The following PHF24 variants were observed in gnomAD, a reference collection of about 807,000 sequenced individuals.
PHF24 encodes the protein PHD finger protein 24.
PHF24 carries 25 observed loss-of-function variants against 42.6 expected under a neutral mutation model. The observed-to-expected ratio is 0.59, with a 90% CI of 0.43 to 0.82. The LOEUF (loss-of-function observed/expected upper bound fraction) is 0.82. Among genes scored for constraint, PHF24 ranks in the 40% least tolerant of loss-of-function variants. The pLI is 0.00. For missense variants in PHF24, 470 were observed against 538.1 expected, an observed-to-expected ratio of 0.87 and a Z score of 1.25; for synonymous variants, 185 against 204.8, an observed-to-expected ratio of 0.90 and a Z score of 0.83.
At chr9:34,705,593 T>C in the PHF24 span, among the ~76,000 whole-genome samples, 1 of 152,264 alleles carries the variant, frequency 6.6e-6, no homozygotes, top group Non-Finnish European at 1.5e-5. Context: ...GCTTTATGCC[T>C]TTACACGCAT....
the PHF24 span, among the ~76,000 whole-genome samples, chr9:34,883,564 A>G: frequency 1.3e-5 from 2 of 152,278 alleles, no homozygotes; most frequent in African/African-American, 4.8e-5. Flanking sequence ...GGATATGAAC[A>G]GACACTTCTC....
chr9:34,699,840 G>A, the PHF24 span, among the ~76,000 whole-genome samples: 1 of 152,220 alleles, frequency 6.6e-6, no homozygotes, highest in Non-Finnish European at 1.5e-5. Flanking sequence ...TTATGCTAAT[G>A]AAAGAGACAA....
At chr9:34,912,987 ATATAAAT>A in the PHF24 span, among the ~76,000 whole-genome samples, 1 of 152,214 alleles carries the variant, frequency 6.6e-6, no homozygotes, top group South Asian at 2.1e-4. Flanking sequence ...AAGCAAAGAA[ATATAAAT>A]TATAAAAAGG....
the PHF24 span, among the ~76,000 whole-genome samples, chr9:34,905,459 A>G: frequency 1.3e-5 from 2 of 152,282 alleles, no homozygotes; most frequent in African/African-American, 2.4e-5. Context: ...CTTAAAAGTT[A>G]CATGCTTTCA....
the PHF24 span, among the ~76,000 whole-genome samples, chr9:34,909,725 C>T: frequency 2.0e-5 from 3 of 151,902 alleles, no homozygotes; most frequent in African/African-American, 7.3e-5. Context: ...GGGCTCACGC[C>T]ATTCTCCTGC....
At chr9:34,666,570 T>G in the PHF24 span, among the ~76,000 whole-genome samples, 677 of 151,344 alleles carry the variant, frequency 4.5e-3, 2 homozygotes, top group Non-Finnish European at 8.0e-3. Flanking sequence ...TTTTTTTTTT[T>G]GCTACATTCA....
chr9:34,858,714 G>A, the PHF24 span, among the ~76,000 whole-genome samples: 1 of 152,260 alleles, frequency 6.6e-6, no homozygotes, highest in Non-Finnish European at 1.5e-5. Flanking sequence ...TTAGTTCTTT[G>A]TATTTCTGTT....
the PHF24 span, among the ~76,000 whole-genome samples, chr9:34,671,025 A>G: frequency 1.3e-5 from 2 of 152,150 alleles, no homozygotes; most frequent in Admixed American, 6.6e-5. Flanking sequence ...CAGCTCCCCT[A>G]TCTCTCATCT....
exon 5 of PHF24, chr9:34,976,586 A>G: frequency 6.2e-7 from 1 of 1,614,152 alleles, no homozygotes; most frequent in African/African-American, 1.3e-5. Context: ...CAAGCAGCCA[A>G]GCGGGGGGAC....
the PHF24 span, among the ~76,000 whole-genome samples, chr9:34,828,028 C>T: frequency 1.3e-5 from 2 of 151,966 alleles, no homozygotes; most frequent in East Asian, 3.9e-4. Context: ...ACTCACACTG[C>T]CACCAACTGC....
At chr9:34,818,677 T>A in the PHF24 span, among the ~76,000 whole-genome samples, 1 of 152,198 alleles carries the variant, frequency 6.6e-6, no homozygotes, top group South Asian at 2.1e-4. Flanking sequence ...GTACTCACTT[T>A]GCCCAGGCAC....
the PHF24 span, among the ~76,000 whole-genome samples, chr9:34,841,744 G>A: frequency 6.6e-6 from 1 of 152,172 alleles, no homozygotes; most frequent in South Asian, 2.1e-4. Context: ...TGTAATCCCA[G>A]CTACTCCAGA....
the PHF24 span, chr9:34,725,891 C>T: frequency 6.4e-7 from 1 of 1,552,114 alleles, no homozygotes. Context: ...GCCTTGAGAT[C>T]CCATGAAAGT....
the PHF24 span, among the ~76,000 whole-genome samples, chr9:34,788,598 T>C: frequency 6.6e-6 from 1 of 152,200 alleles, no homozygotes; most frequent in African/African-American, 2.4e-5. Flanking sequence ...TTGTATTTAC[T>C]GATAGCAAAA....
At chr9:34,809,313 C>A in the PHF24 span, among the ~76,000 whole-genome samples, 44 of 152,276 alleles carry the variant, frequency 2.9e-4, 1 homozygote, top group East Asian at 8.5e-3. This position sits in a 1 kb window ranked among gnomAD's most constrained non-coding sequence, Gnocchi z 4.1. Context: ...TCAGTTATTT[C>A]TTTATAATTA....
At chr9:34,793,959 T>C in the PHF24 span, among the ~76,000 whole-genome samples, 2 of 151,312 alleles carry the variant, frequency 1.3e-5, no homozygotes, top group East Asian at 2.0e-4. Context: ...AAGTGGTCCA[T>C]AGAGTGGGAT....
At chr9:34,854,992 G>A in the PHF24 span, among the ~76,000 whole-genome samples, 8,413 of 152,232 alleles carry the variant, frequency 0.055, 456 homozygotes, top group African/African-American at 0.13. Flanking sequence ...AGGATAGTTA[G>A]CTCTTCTTGT....
At chr9:34,863,725 A>G in the PHF24 span, among the ~76,000 whole-genome samples, 1 of 152,232 alleles carries the variant, frequency 6.6e-6, no homozygotes, top group Non-Finnish European at 1.5e-5. Flanking sequence ...TGACCTTTCA[A>G]TACCGAGACA....
chr9:34,893,217 G>T, the PHF24 span: 1 of 467,404 alleles, frequency 2.1e-6, no homozygotes, highest in Non-Finnish European at 3.8e-6. Context: ...AAAAGTGTGG[G>T]CCGGGGTTGG....
Sources: allele counts gnomAD v4.1 joint callset (sites outside exome capture counted in the v4.1 genomes callset), GRCh38; gene constraint gnomAD v4.1.1; non-coding constraint Gnocchi (gnomAD v3.1); transcripts MANE v1.5; gene names NCBI Gene and HGNC (gene_info 2026-07-23, HGNC 2026-07-21).